The following GALNT17 variants were observed in gnomAD, a reference collection of about 807,000 sequenced individuals.
GALNT17 encodes the protein UDP-GalNAc:polypeptide N-acetylgalactosaminyltransferase-like 3.
GALNT17 carries 29 observed loss-of-function variants against 63.7 expected under a neutral mutation model. The ratio of observed to expected loss-of-function variants is 0.46; its 90% CI spans 0.34 to 0.62. The LOEUF (loss-of-function observed/expected upper bound fraction) is 0.62. Ranked by LOEUF, GALNT17 falls within the 20% of genes least tolerant of loss-of-function variation. The pLI is 0.01. For missense variants in GALNT17, 603 were observed against 799.6 expected (o/e 0.75, Z 2.97); for synonymous variants, 305 against 318.3 (o/e 0.96, Z 0.45).
intron 1 of GALNT17, among the ~76,000 whole-genome samples, chr7:71,322,381 G>A (rs1317967): frequency 0.054 from 8,220 of 152,146 alleles, 742 homozygotes; most frequent in African/African-American, 0.19. Flanking sequence ...GAATAAAACC[G>A]CAGTTTGAAA....
At chr7:71,287,180 C>T (rs1012390147) in intron 1 of GALNT17, among the ~76,000 whole-genome samples, 2 of 152,148 alleles carry the variant, frequency 1.3e-5, no homozygotes, top group African/African-American at 4.8e-5. Flanking sequence ...TCCTCGACCT[C>T]CTGAGTTCAA....
chr7:71,371,200 C>T (rs540076842), intron 2 of GALNT17, among the ~76,000 whole-genome samples: 1 of 152,126 alleles, frequency 6.6e-6, no homozygotes, highest in Non-Finnish European at 1.5e-5. Context: ...TTTAGTCAAG[C>T]TTTGCAGTTC....
intron 5 of GALNT17, among the ~76,000 whole-genome samples, chr7:71,463,672 G>A (rs963013395): frequency 1.3e-5 from 2 of 152,140 alleles, no homozygotes; most frequent in African/African-American, 4.8e-5. Flanking sequence ...CTGGGAAAGG[G>A]GTAGGCAATT....
chr7:71,635,733 A>G (rs1040995852), intron 6 of GALNT17, among the ~76,000 whole-genome samples: 3 of 152,176 alleles, frequency 2.0e-5, no homozygotes, highest in Non-Finnish European at 4.4e-5. Flanking sequence ...GCCCATTTTT[A>G]TGGTTATTTC....
At chr7:71,359,887 C>T (rs748307377) in intron 2 of GALNT17, among the ~76,000 whole-genome samples, 8 of 152,076 alleles carry the variant, frequency 5.3e-5, no homozygotes, top group Admixed American at 2.0e-4. Context: ...GGTTGATTTC[C>T]GTTTATATTG....
chr7:71,556,487 A>G (rs1156259269), intron 5 of GALNT17, among the ~76,000 whole-genome samples: 2 of 152,152 alleles, frequency 1.3e-5, no homozygotes, highest in African/African-American at 4.8e-5. Context: ...TTTGTGGCCC[A>G]CTGTTATTAA....
rs2116666800 is a variant in GALNT17 at position 71,488,957 on chromosome 7, G to C, written c.962+67852G>C. Among the ~76,000 whole-genome samples, 2 of 116,530 alleles carry C rather than the reference G, an allele frequency of 1.7e-5. 1 individual carries two copies. Among genetic ancestry groups the C allele is most frequent in the South Asian group, 5.9e-4 (2 of 3,380 alleles). The allele number at this position is 116,530 out of a possible 152,430, so 76.4% of individuals were successfully genotyped here. On this transcript the variant is annotated intron_variant, in intron 5 of 10. Coordinates refer to ENST00000333538, the MANE Select transcript of GALNT17 (RefSeq NM_022479.3). ...TGCCCAGGCCAGAGTGTAGTGGTAA[G>C]ACCTTAGCTCACTGCAGTCTCTGCC...
chr7:71,335,244 G>A (rs995521769), intron 1 of GALNT17, among the ~76,000 whole-genome samples: 1 of 152,100 alleles, frequency 6.6e-6, no homozygotes, highest in Non-Finnish European at 1.5e-5. Flanking sequence ...AGATTCTCCT[G>A]CCTCAGCCTC....
At chr7:71,247,063 C>T (rs192125495) in intron 1 of GALNT17, among the ~76,000 whole-genome samples, 1 of 152,178 alleles carries the variant, frequency 6.6e-6, no homozygotes, top group African/African-American at 2.4e-5. Flanking sequence ...GCATGAGCCA[C>T]CACGCCCAGC....
At chr7:71,278,074 A>AG (rs1300353077) in intron 1 of GALNT17, among the ~76,000 whole-genome samples, 1 of 152,074 alleles carries the variant, frequency 6.6e-6, no homozygotes, top group East Asian at 1.9e-4. Context: ...TGCCCAGGAG[A>AG]GGGTGGGATG....
At chr7:71,507,277 G>A (rs115021878) in intron 5 of GALNT17, among the ~76,000 whole-genome samples, 3,174 of 152,160 alleles carry the variant, frequency 0.021, 41 homozygotes, top group African/African-American at 0.026. Flanking sequence ...CACATTCAAC[G>A]CACCAAAAAG....
chr7:71,401,508 G>T (rs529159543), intron 3 of GALNT17, among the ~76,000 whole-genome samples: 1 of 152,284 alleles, frequency 6.6e-6, no homozygotes, highest in East Asian at 1.9e-4. Context: ...ACTGGTCCAT[G>T]GCCTGTTAGG....
At chr7:71,414,018 G>C (rs1242517484) in intron 3 of GALNT17, among the ~76,000 whole-genome samples, 1 of 152,018 alleles carries the variant, frequency 6.6e-6, no homozygotes, top group African/African-American at 2.4e-5. Flanking sequence ...GAGGTGGGTG[G>C]ATCACCTGAG....
intron 1 of GALNT17, among the ~76,000 whole-genome samples, chr7:71,241,930 G>A (rs1790004474): frequency 6.6e-6 from 1 of 152,108 alleles, no homozygotes; most frequent in Non-Finnish European, 1.5e-5. Context: ...ACAAAGCAAA[G>A]AGGCTTATTT....
At chr7:71,295,374 T>TAGG (rs1791058888) in intron 1 of GALNT17, among the ~76,000 whole-genome samples, 1 of 152,164 alleles carries the variant, frequency 6.6e-6, no homozygotes, top group Admixed American at 6.5e-5. Flanking sequence ...AACAGTTGTC[T>TAGG]AGGAGGGTGA....
intron 5 of GALNT17, among the ~76,000 whole-genome samples, chr7:71,538,413 A>G (rs1218116355): frequency 6.6e-6 from 1 of 152,182 alleles, no homozygotes; most frequent in Non-Finnish European, 1.5e-5. Context: ...GTCTTCAGCA[A>G]GAATGAGGGC....
rs191615024 is a variant in GALNT17, at chr7:71,593,912, C to T, written c.1080+22510C>T. Among the ~76,000 whole-genome samples, 11 of 152,208 alleles carry T rather than the reference C, an allele frequency of 7.2e-5. No homozygotes were observed. The East Asian group carries it at 1.5e-3, about 21-fold the overall frequency. The stretch of plus-strand genomic sequence containing the variant: ...TCTTTTTCTAAACTTTCTGGGGGCG[C>T]GTTCAGATTCCAGCTCTCCTACAAG... On this transcript the variant is annotated intron_variant, in intron 6 of 10. Coordinates refer to ENST00000333538, the MANE Select transcript of GALNT17 (RefSeq NM_022479.3).
intron 1 of GALNT17, among the ~76,000 whole-genome samples, chr7:71,185,087 CCTT>C (rs1258086744): frequency 7.0e-6 from 1 of 142,670 alleles, no homozygotes; most frequent in Non-Finnish European, 1.5e-5. Flanking sequence ...CCTCCTCCTT[CCTT>C]CTTCTCCCTT....
chr7:71,416,439 C>T (rs1316152790), intron 4 of GALNT17, among the ~76,000 whole-genome samples: 1 of 152,070 alleles, frequency 6.6e-6, no homozygotes, highest in African/African-American at 2.4e-5. Flanking sequence ...TGGTGAGACC[C>T]TGTCTCTACT....
Sources: allele counts gnomAD v4.1 joint callset (sites outside exome capture counted in the v4.1 genomes callset), GRCh38; gene constraint gnomAD v4.1.1; transcripts MANE v1.5; gene names NCBI Gene and HGNC (gene_info 2026-07-23, HGNC 2026-07-21).